ZNF503: variants seen among roughly 807,000 people sequenced by gnomAD.
The protein encoded by ZNF503 is NocA-like zinc finger 2.
In ZNF503, 15 loss-of-function variants were observed where a neutral mutation model predicts 34.4. The observed-to-expected ratio is 0.44, with a 90% CI of 0.29 to 0.67. The LOEUF is 0.67. ZNF503 is among the 30% of genes least tolerant of loss of function. The probability of loss-of-function intolerance (pLI) is 0.13; values close to 1 mark genes in which losing one functional copy is unlikely to be tolerated. For missense variants in ZNF503, 1,007 were observed against 926.8 expected (o/e 1.09, Z -1.12); for synonymous variants, 580 against 456.8 (o/e 1.27, Z -3.44).
chr10:75,331,721 A>G, the ZNF503 span, among the ~76,000 whole-genome samples: 4 of 151,994 alleles, frequency 2.6e-5, no homozygotes, highest in Admixed American at 1.3e-4. Context: ...GGTCTTGAAC[A>G]CCTGGCCTTA....
At chr10:75,285,916 G>C in the ZNF503 span, among the ~76,000 whole-genome samples, 42 of 152,252 alleles carry the variant, frequency 2.8e-4, no homozygotes, top group Non-Finnish European at 5.7e-4. Flanking sequence ...TGAGGGAGCG[G>C]GTCTTGAGTT....
chr10:75,291,070 C>T, the ZNF503 span, among the ~76,000 whole-genome samples: 2 of 152,172 alleles, frequency 1.3e-5, no homozygotes, highest in South Asian at 4.1e-4. Context: ...TTAGTGCTAA[C>T]CATGTGCCAG....
upstream of ZNF503, chr10:75,401,775 C>T (rs560022052): frequency 3.2e-6 from 1 of 314,332 alleles, no homozygotes; most frequent in African/African-American, 2.2e-5. Context: ...GGCGAGGAAA[C>T]TCACTTCAAA....
At chr10:75,374,578 G>A in the ZNF503 span, among the ~76,000 whole-genome samples, 2 of 151,870 alleles carry the variant, frequency 1.3e-5, no homozygotes, top group African/African-American at 4.8e-5. Context: ...TGACACCCCT[G>A]CCCCATTAAA....
rs1251090825 is a variant in ZNF503 at position 75,399,634 on chromosome 10, C to T, written c.1056G>A (p.Leu352=). 1.3e-6 allele frequency: 2 copies of T among 1,598,926 alleles called. No individual in the cohort carries two copies. Among genetic ancestry groups the T allele is most frequent in the South Asian group, 2.2e-5 (2 of 91,050 alleles). Residue 352 remains leucine, a synonymous_variant, in exon 2 of 2, where the codon CTG becomes CTA. Transcript: ENST00000372524. ...PYKPGQTVFP[L]PPAGMTYPGS... is the part of the protein sequence containing the mutation. The stretch of plus-strand genomic sequence containing the variant: ...CTGGGTAGGTCATACCCGCGGGAGG[C>T]AGAGGGAACACTGTCTGGCCCGGCT...
the ZNF503 span, among the ~76,000 whole-genome samples, chr10:75,352,099 G>A: frequency 8.8e-6 from 1 of 113,470 alleles, no homozygotes; most frequent in South Asian, 2.3e-4. Context: ...CAGAGAGCAG[G>A]GATTGTCCTT....
At chr10:75,282,280 G>A in the ZNF503 span, among the ~76,000 whole-genome samples, 1 of 152,038 alleles carries the variant, frequency 6.6e-6, no homozygotes, top group Admixed American at 6.6e-5. Flanking sequence ...TGCTGGGGAG[G>A]GTTCCTCTTC....
chr10:75,356,428 G>T, the ZNF503 span, among the ~76,000 whole-genome samples: 1 of 152,140 alleles, frequency 6.6e-6, no homozygotes, highest in Non-Finnish European at 1.5e-5. Context: ...TGTTAGCCAG[G>T]ATGGTCTCGA....
chr10:75,287,403 C>T, the ZNF503 span, among the ~76,000 whole-genome samples: 23 of 152,254 alleles, frequency 1.5e-4, no homozygotes, highest in African/African-American at 2.4e-5. Flanking sequence ...GGGGACATAT[C>T]CATCTACCAG....
the ZNF503 span, among the ~76,000 whole-genome samples, chr10:75,316,350 CTTT>C: frequency 6.9e-6 from 1 of 144,576 alleles, no homozygotes; most frequent in African/African-American, 2.5e-5. Context: ...TTTTCTTTTC[CTTT>C]TTTTTTTTTT....
chr10:75,347,197 G>T, the ZNF503 span, among the ~76,000 whole-genome samples: 1 of 152,206 alleles, frequency 6.6e-6, no homozygotes, highest in East Asian at 1.9e-4. Flanking sequence ...GTTAATTGAG[G>T]CAAGTGAGGA....
chr10:75,392,904 G>A (rs530333156), downstream of ZNF503, among the ~76,000 whole-genome samples: 1 of 152,318 alleles, frequency 6.6e-6, no homozygotes, highest in East Asian at 1.9e-4. Context: ...AGCCCCATTA[G>A]GTTGGTATCA....
In ZNF503 at chr10:75,401,474, C is replaced by T. The variant is rs1160706884; in HGVS notation, c.-55G>A. The T allele has an allele frequency of 2.0e-6, 3 of 1,496,184 alleles. No individual in the cohort carries two copies. The highest frequency in any genetic ancestry group is 2.7e-5 in the East Asian group (1 of 37,150). 92.7% of individuals were successfully genotyped at this position (1,496,184 alleles called of 1,614,324 possible). ...GGGGAGGGCTCCGGGAGGCGCGGGGCGGGCTCGGGGCTGCGCGCTCGCCCC... is the reference window on the plus strand; with the variant it reads ...GGGGAGGGCTCCGGGAGGCGCGGGGTGGGCTCGGGGCTGCGCGCTCGCCCC... On this transcript the variant is annotated 5_prime_UTR_variant, in exon 1 of 2. Coordinates refer to ENST00000372524, the MANE Select transcript of ZNF503 (RefSeq NM_032772.6).
the ZNF503 span, among the ~76,000 whole-genome samples, chr10:75,356,029 C>T: frequency 3.9e-5 from 6 of 152,136 alleles, no homozygotes; most frequent in African/African-American, 1.4e-4. Context: ...AGTATGGCAG[C>T]CAGGTTCCCA....
At chr10:75,384,003 G>A in the ZNF503 span, among the ~76,000 whole-genome samples, 1 of 152,200 alleles carries the variant, frequency 6.6e-6, no homozygotes, top group East Asian at 1.9e-4. Flanking sequence ...AGGTGATTAG[G>A]AGACCTCAGA....
At chr10:75,332,211 ATC>A in the ZNF503 span, among the ~76,000 whole-genome samples, 2 of 151,894 alleles carry the variant, frequency 1.3e-5, no homozygotes, top group African/African-American at 4.8e-5. Flanking sequence ...ATAGTCAATA[ATC>A]TCTTTAAATA....
the ZNF503 span, among the ~76,000 whole-genome samples, chr10:75,369,731 T>C: frequency 3.9e-5 from 6 of 152,260 alleles, no homozygotes; most frequent in African/African-American, 1.4e-4. Context: ...AGCATATTAG[T>C]GTTACTGAAG....
chr10:75,285,904 G>A, the ZNF503 span, among the ~76,000 whole-genome samples: 1 of 152,222 alleles, frequency 6.6e-6, no homozygotes, highest in Non-Finnish European at 1.5e-5. Context: ...TGGCTTTGCG[G>A]CTGAGGGAGC....
chr10:75,346,883 C>T, the ZNF503 span, among the ~76,000 whole-genome samples: 3 of 151,756 alleles, frequency 2.0e-5, no homozygotes, highest in Non-Finnish European at 4.4e-5. Context: ...CTCAAGCGAT[C>T]CTCCTGCCTC....
Sources: allele counts gnomAD v4.1 joint callset (sites outside exome capture counted in the v4.1 genomes callset), GRCh38; gene constraint gnomAD v4.1.1; transcripts MANE v1.5; gene names NCBI Gene and HGNC (gene_info 2026-07-23, HGNC 2026-07-21).